Variants in NUMB observed in about 807,000 individuals in gnomAD.
The protein encoded by NUMB is protein numb homolog.
A neutral mutation model predicts 59.7 loss-of-function variants in NUMB; 29 were observed. That is an observed-to-expected ratio of 0.49 (90% CI 0.36 to 0.66). The LOEUF (loss-of-function observed/expected upper bound fraction) is 0.66, where lower values mean the gene tolerates loss of function less well. NUMB is among the 30% of genes least tolerant of loss of function. NUMB has a pLI of 0.00. For missense variants in NUMB, 723 were observed against 822.0 expected (o/e 0.88, Z 1.47); for synonymous variants, 288 against 288.2 (o/e 1.00, Z 0.01).
chr14:73,406,862 T>C (rs149061742), intron 2 of NUMB, among the ~76,000 whole-genome samples: 2,202 of 152,314 alleles, frequency 0.014, 50 homozygotes, highest in African/African-American at 0.05. Flanking sequence ...GAGCATTTTT[T>C]CATGTGTCTG....
chr14:73,424,546 G>C (rs1897499524), intron 1 of NUMB, among the ~76,000 whole-genome samples: 1 of 152,068 alleles, frequency 6.6e-6, no homozygotes, highest in Non-Finnish European at 1.5e-5. Context: ...TATGCACACA[G>C]TAGTTTATAA....
intron 6 of NUMB, among the ~76,000 whole-genome samples, chr14:73,314,620 C>T (rs906755667): frequency 2.6e-5 from 4 of 152,110 alleles, no homozygotes; most frequent in Admixed American, 6.6e-5. Context: ...TGCACCACCA[C>T]ATCCAGCTAA....
intron 7 of NUMB, among the ~76,000 whole-genome samples, chr14:73,293,393 C>CTTTTTT (rs56116167): frequency 5.8e-4 from 55 of 95,552 alleles, no homozygotes; most frequent in East Asian, 1.9e-3. Context: ...GTTTCTTTTT[C>CTTTTTT]TTTTTTTTTT....
At chr14:73,314,030 G>A (rs142074754) in intron 6 of NUMB, among the ~76,000 whole-genome samples, 18 of 151,918 alleles carry the variant, frequency 1.2e-4, no homozygotes, top group South Asian at 8.3e-4. Context: ...GTGAAACCCC[G>A]TCTCTACTAA....
chr14:73,434,696 T>A (rs1413574391), intron 1 of NUMB, among the ~76,000 whole-genome samples: 1 of 151,768 alleles, frequency 6.6e-6, no homozygotes, highest in Non-Finnish European at 1.5e-5. Context: ...CGAGACTTCA[T>A]CTTTATTTTT....
rs570532243 is a variant in NUMB at position 73,446,866 on chromosome 14, C to T, written c.-233+11627G>A. Among the ~76,000 whole-genome samples the T allele has an allele frequency of 2.6e-5, 4 of 151,936 alleles. No individual in the cohort carries two copies. The South Asian group carries it at 8.3e-4, about 32-fold the overall frequency. ...ACAGCCTGGGCAACATAGTGAGACC[C>T]CAGTTCTATTTTTAAATAACTTTTT... On this transcript the variant is annotated intron_variant, in intron 1 of 12. Transcript: ENST00000555238.
In NUMB at chr14:73,284,255, G is replaced by A; in HGVS notation, c.775C>T (p.His259Tyr). The A allele has an allele frequency of 6.2e-7, 1 of 1,614,216 alleles. No individual in the cohort carries two copies. The highest frequency in any genetic ancestry group is 2.2e-5 in the East Asian group (1 of 44,878). Reference sequence around the variant, plus strand: ...GGAGCATGCCGGCGTGGGATGGCATGAGGATTGTTCATCTCCAGAGAGGTC... The same window carrying A: ...GGAGCATGCCGGCGTGGGATGGCATAAGGATTGTTCATCTCCAGAGAGGTC... ...ATTSLEMNNP[H>Y]AIPRRHAPIE... is the part of the protein sequence containing the mutation. The change falls in exon 10 of 13, where the codon CAT (histidine) becomes TAT (tyrosine). Residue 259 changes from histidine (H) to tyrosine (Y), a missense_variant. Transcript: ENST00000555238.
At chr14:73,358,515 G>A (rs1893932935) in intron 3 of NUMB, among the ~76,000 whole-genome samples, 1 of 151,006 alleles carries the variant, frequency 6.6e-6, no homozygotes, top group African/African-American at 2.4e-5. Context: ...TGCCTAGAAA[G>A]AAATATCGTT....
intron 2 of NUMB, among the ~76,000 whole-genome samples, chr14:73,401,385 A>C (rs180699610): frequency 4.1e-4 from 63 of 151,856 alleles, no homozygotes; most frequent in Admixed American, 1.8e-3. Context: ...TTCTAAAAAA[A>C]TTAAGTCTTC....
intron 2 of NUMB, among the ~76,000 whole-genome samples, chr14:73,383,679 T>C (rs1451683881): frequency 6.6e-6 from 1 of 152,154 alleles, no homozygotes. Context: ...CGTAAGCATC[T>C]TACTGAAAAC....
At chr14:73,447,989 G>C (rs949308197) in intron 1 of NUMB, among the ~76,000 whole-genome samples, 1 of 151,948 alleles carries the variant, frequency 6.6e-6, no homozygotes, top group Non-Finnish European at 1.5e-5. Flanking sequence ...GTAAAGACTG[G>C]GTTTTACCAC....
At chr14:73,403,877 G>A (rs1896533585) in intron 2 of NUMB, among the ~76,000 whole-genome samples, 1 of 151,890 alleles carries the variant, frequency 6.6e-6, no homozygotes, top group Non-Finnish European at 1.5e-5. Context: ...GGCGGATCAT[G>A]AGGTCAGGAG....
chr14:73,424,268 T>C (rs568131725), intron 1 of NUMB, among the ~76,000 whole-genome samples: 1 of 152,290 alleles, frequency 6.6e-6, no homozygotes, highest in East Asian at 1.9e-4. Flanking sequence ...ACAAGCAGTG[T>C]TTAATTTCTT....
chr14:73,367,320 C>CATAT (rs1266798734), intron 2 of NUMB, among the ~76,000 whole-genome samples: 3 of 111,150 alleles, frequency 2.7e-5, no homozygotes, highest in African/African-American at 1.2e-4. Flanking sequence ...CACACACACA[C>CATAT]ACATATATAC....
At chr14:73,339,117 T>C (rs1892500574) in intron 4 of NUMB, among the ~76,000 whole-genome samples, 1 of 152,224 alleles carries the variant, frequency 6.6e-6, no homozygotes, top group Non-Finnish European at 1.5e-5. Context: ...TAGGGCCATT[T>C]ACGTACTGGA....
intron 4 of NUMB, among the ~76,000 whole-genome samples, chr14:73,334,041 G>GTT (rs1262780198): frequency 6.7e-6 from 1 of 148,680 alleles, no homozygotes; most frequent in Non-Finnish European, 1.5e-5. Context: ...ATTTTTGGGG[G>GTT]TTTTTTGTGT....
At chr14:73,289,487 G>A (rs1889243167) in intron 8 of NUMB, among the ~76,000 whole-genome samples, 1 of 152,154 alleles carries the variant, frequency 6.6e-6, no homozygotes, top group South Asian at 2.1e-4. Context: ...TTTGGGAACA[G>A]GAAGTCTTTT....
intron 1 of NUMB, among the ~76,000 whole-genome samples, chr14:73,422,447 A>G (rs1897390810): frequency 6.6e-6 from 1 of 152,202 alleles, no homozygotes. Flanking sequence ...AATAGGATAA[A>G]AAGCCTAACC....
intron 4 of NUMB, among the ~76,000 whole-genome samples, chr14:73,332,393 A>T (rs983855789): frequency 2.0e-5 from 3 of 152,072 alleles, no homozygotes; most frequent in African/African-American, 7.2e-5. Context: ...AGCTGGGATT[A>T]CAGGCGTACG....
Sources: allele counts gnomAD v4.1 joint callset (sites outside exome capture counted in the v4.1 genomes callset), GRCh38; gene constraint gnomAD v4.1.1; transcripts MANE v1.5; gene names NCBI Gene and HGNC (gene_info 2026-07-23, HGNC 2026-07-21).